CFDP1: variants seen among roughly 807,000 people sequenced by gnomAD.
CFDP1 encodes heterochromatin-stabilizing protein CFDP1.
Under a neutral mutation model 40.1 loss-of-function variants are expected in CFDP1, and 31 were observed. That is an observed-to-expected ratio of 0.77 (90% confidence interval 0.58 to 1.04). CFDP1 has a LOEUF of 1.04. CFDP1 is among the 50% of genes least tolerant of loss of function. The probability of loss-of-function intolerance (pLI) is 0.00; values close to 1 mark genes in which losing one functional copy is unlikely to be tolerated. For missense variants in CFDP1, 423 were observed against 343.4 expected (o/e 1.23, Z -1.83); for synonymous variants, 167 against 120.0 (o/e 1.39, Z -2.56).
At chr16:75,403,515 G>A (rs1034496677) in intron 4 of CFDP1, among the ~76,000 whole-genome samples, 7 of 152,232 alleles carry the variant, frequency 4.6e-5, no homozygotes, top group Admixed American at 1.3e-4. Context: ...CACTGCGCCT[G>A]GCCTAATGAC....
intron 5 of CFDP1, chr16:75,324,820 C>G (rs1219708819): frequency 6.7e-6 from 1 of 149,826 alleles, no homozygotes; most frequent in Non-Finnish European, 1.5e-5. Context: ...GTTCTTTTTT[C>G]GAGGCTAAGT....
At chr16:75,410,347 G>A (rs1048300906) in intron 4 of CFDP1, among the ~76,000 whole-genome samples, 12 of 152,116 alleles carry the variant, frequency 7.9e-5, no homozygotes, top group East Asian at 1.9e-4. Context: ...AAATAAATGG[G>A]GGAAGGGAAA....
At chr16:75,418,252 CAAA>C (rs34789992) in intron 1 of CFDP1, among the ~76,000 whole-genome samples, 616 of 57,022 alleles carry the variant, frequency 0.011, 3 homozygotes, top group South Asian at 0.018. Context: ...AACTCTGTCT[CAAA>C]AAAAAAAAAA....
chr16:75,425,098 C>A (rs1413770503), intron 1 of CFDP1, among the ~76,000 whole-genome samples: 1 of 152,054 alleles, frequency 6.6e-6, no homozygotes, highest in Admixed American at 6.6e-5. Flanking sequence ...AAGATACAGA[C>A]TGTATTCATA....
At chr16:75,316,569 TAAAAAAAAAAAA>T (rs780200659) in intron 5 of CFDP1, among the ~76,000 whole-genome samples, 3 of 26,580 alleles carry the variant, frequency 1.1e-4, no homozygotes, top group Non-Finnish European at 1.6e-4. Flanking sequence ...AGACCCTGTC[TAAAAAAAAAAAA>T]AAAAAAAAAA....
chr16:75,311,807 G>A lies in CFDP1; in HGVS notation c.651-6625C>T, dbSNP rs993822344. Reference sequence around the variant, plus strand: ...TTTTTTCAAGAAAGAGTCTTGCTATGTTGCCCAGACTGGCCCCGAACTCCT... The same window carrying A: ...TTTTTTCAAGAAAGAGTCTTGCTATATTGCCCAGACTGGCCCCGAACTCCT... On this transcript the variant is annotated intron_variant, in intron 5 of 6. Coordinates refer to ENST00000283882, the MANE Select transcript of CFDP1 (RefSeq NM_006324.3). 2.2e-5 allele frequency among the ~76,000 whole-genome samples: 3 copies of A among 133,888 alleles called. No individual in the cohort carries two copies. In the Admixed American group the frequency reaches 2.4e-4, roughly 11 times the overall value. The allele number at this position is 133,888 out of a possible 152,430, so 87.8% of individuals were successfully genotyped here.
intron 5 of CFDP1, among the ~76,000 whole-genome samples, chr16:75,342,171 T>C (rs1048150431): frequency 6.6e-6 from 1 of 152,190 alleles, no homozygotes; most frequent in Non-Finnish European, 1.5e-5. Context: ...ATGCCAATGA[T>C]TTTATAACCC....
chr16:75,301,280 T>C (rs865972039), intron 6 of CFDP1, among the ~76,000 whole-genome samples: 61 of 152,168 alleles, frequency 4.0e-4, no homozygotes, highest in African/African-American at 1.4e-3. Flanking sequence ...AAGATTTGAA[T>C]TGTTTATTGT....
intron 5 of CFDP1, among the ~76,000 whole-genome samples, chr16:75,368,458 G>A (rs1165590903): frequency 6.6e-6 from 1 of 152,148 alleles, no homozygotes; most frequent in Non-Finnish European, 1.5e-5. Flanking sequence ...TGCACATGGA[G>A]AGATTCATTA....
intron 5 of CFDP1, among the ~76,000 whole-genome samples, chr16:75,326,595 G>C (rs1433923257): frequency 6.6e-6 from 1 of 152,214 alleles, no homozygotes; most frequent in Admixed American, 6.5e-5. Flanking sequence ...GAACAGGTAA[G>C]GTGGCTAACA....
intron 5 of CFDP1, among the ~76,000 whole-genome samples, chr16:75,312,788 G>C (rs2078302209): frequency 6.6e-6 from 1 of 152,074 alleles, no homozygotes; most frequent in Admixed American, 6.6e-5. Context: ...TTTAAATGAA[G>C]AGCTCTTCCT....
intron 5 of CFDP1, among the ~76,000 whole-genome samples, chr16:75,359,716 A>G (rs1193870271): frequency 6.6e-6 from 1 of 152,176 alleles, no homozygotes; most frequent in Non-Finnish European, 1.5e-5. Flanking sequence ...AACAACCCTA[A>G]GCAAATTTGG....
At chr16:75,315,015 G>C (rs1443049267) in intron 5 of CFDP1, among the ~76,000 whole-genome samples, 1 of 152,120 alleles carries the variant, frequency 6.6e-6, no homozygotes, top group Non-Finnish European at 1.5e-5. Context: ...GCCTCCCAAA[G>C]TGCAGAGATT....
chr16:75,392,536 C>T (rs1214867292), intron 5 of CFDP1, among the ~76,000 whole-genome samples: 2 of 152,190 alleles, frequency 1.3e-5, no homozygotes, highest in African/African-American at 4.8e-5. Flanking sequence ...CTCCCTCTGT[C>T]GCCCAGGCGG....
chr16:75,363,264 T>C (rs1475749672), intron 5 of CFDP1, among the ~76,000 whole-genome samples: 1 of 131,156 alleles, frequency 7.6e-6, no homozygotes. Context: ...TATGAAAGTC[T>C]GAGCACCAAA....
intron 4 of CFDP1, among the ~76,000 whole-genome samples, chr16:75,396,956 T>C (rs866643105): frequency 9.2e-5 from 14 of 151,974 alleles, no homozygotes; most frequent in South Asian, 2.1e-4. Context: ...CTCTGTCGCC[T>C]AGGCTGGAGT....
chr16:75,366,356 C>T (rs568616177), intron 5 of CFDP1, among the ~76,000 whole-genome samples: 1 of 152,096 alleles, frequency 6.6e-6, no homozygotes, highest in African/African-American at 2.4e-5. Context: ...CACCTTATAG[C>T]GAGGCCAGGC....
chr16:75,432,370 T>C (rs1283058030), intron 1 of CFDP1, among the ~76,000 whole-genome samples: 3 of 105,582 alleles, frequency 2.8e-5, no homozygotes, highest in African/African-American at 1.1e-4. Flanking sequence ...ATGCCATTTC[T>C]AAAAAAAAAA....
At chr16:75,334,500 C>A (rs1259352221) in intron 5 of CFDP1, among the ~76,000 whole-genome samples, 1 of 150,374 alleles carries the variant, frequency 6.7e-6, no homozygotes, top group Admixed American at 6.7e-5. Flanking sequence ...AAGCCATCAG[C>A]TGGAGGCAGC....
Sources: gnomAD v4.1 joint callset for allele counts (sites outside exome capture counted in the v4.1 genomes callset) on GRCh38, gnomAD v4.1.1 for gene constraint, MANE v1.5 for transcripts, NCBI Gene and HGNC (gene_info 2026-07-23, HGNC 2026-07-21) for gene names.